The following AP3B2 variants were observed in gnomAD, a reference collection of about 807,000 sequenced individuals.
The protein encoded by AP3B2 is adaptor related protein complex 3 subunit beta 2.
AP3B2 carries 50 observed loss-of-function variants against 126.9 expected under a neutral mutation model. The observed-to-expected ratio is 0.39, with a 90% CI of 0.31 to 0.50. The LOEUF (loss-of-function observed/expected upper bound fraction) is 0.50. Among genes scored for constraint, AP3B2 ranks in the 20% least tolerant of loss-of-function variants. The probability of loss-of-function intolerance (pLI) is 0.79; values close to 1 mark genes in which losing one functional copy is unlikely to be tolerated. For synonymous variants in AP3B2, 541 were observed against 565.0 expected (o/e 0.96, Z 0.60); for missense variants, 1,177 against 1,426.4 (o/e 0.83, Z 2.82).
Position 82,664,763 on chromosome 15 carries a change from T to C in AP3B2, c.2137+72A>G, listed in dbSNP as rs1411449405. The C allele has an allele frequency of 1.4e-5, 17 of 1,203,320 alleles. No individual in the cohort carries two copies. The highest frequency in any genetic ancestry group is 5.1e-5 in the East Asian group (2 of 39,364). The allele number at this position is 1,203,320 out of a possible 1,614,324, so 74.5% of individuals were successfully genotyped here. The stretch of plus-strand genomic sequence containing the variant: ...CCCTAGACACACAACCATATACATA[T>C]ACCCCTCATATAGTCAGTCACACAG... On this transcript the variant is annotated intron_variant, in intron 18 of 26. Coordinates refer to ENST00000535359, the MANE Select transcript of AP3B2 (RefSeq NM_001278512.2). The surrounding 1 kb of genome is among the most constrained non-coding windows in gnomAD (Gnocchi z 4.5).
chr15:82,674,538 C>G (rs900982427), intron 14 of AP3B2, among the ~76,000 whole-genome samples: 3 of 152,208 alleles, frequency 2.0e-5, no homozygotes, highest in Non-Finnish European at 4.4e-5. Context: ...CTGTGCCAAC[C>G]CTGATGACAG....
In AP3B2 at chr15:82,681,358, G is replaced by A; in HGVS notation, c.521+62C>T. ...AGCAGGCAAGACTTAGGAAAGGCCA[G>A]GGGTGGGTTGAGAACTTAGGAACCA... is the stretch of plus-strand genomic sequence containing the variant. On this transcript the variant is annotated intron_variant, in intron 5 of 26. Coordinates refer to ENST00000535359, the MANE Select transcript of AP3B2 (RefSeq NM_001278512.2). The surrounding 1 kb of genome is among the most constrained non-coding windows in gnomAD (Gnocchi z 4.0). 2 of 1,596,280 alleles carry A rather than the reference G, an allele frequency of 1.3e-6. No individual in the cohort carries two copies. The highest frequency in any genetic ancestry group is 1.1e-5 in the South Asian group (1 of 87,762).
chr15:82,698,978 A>G lies in AP3B2; in HGVS notation c.114-9525T>C, dbSNP rs571861565. Among the ~76,000 whole-genome samples the G allele has an allele frequency of 3.9e-5, 6 of 152,226 alleles. No individual in the cohort carries two copies. In the East Asian group the frequency reaches 9.7e-4, roughly 24 times the overall value. ...GACCGCAGCCACCACCTGAGGTGAGACCGCCCTGGGCCTCTCGTCCTCACT... is the reference window on the plus strand; with the variant it reads ...GACCGCAGCCACCACCTGAGGTGAGGCCGCCCTGGGCCTCTCGTCCTCACT... On this transcript the variant is annotated intron_variant, in intron 1 of 26. Transcript: ENST00000535359.
intron 14 of AP3B2, among the ~76,000 whole-genome samples, chr15:82,670,145 T>C (rs1400976265): frequency 7.5e-6 from 1 of 133,336 alleles, no homozygotes; most frequent in Non-Finnish European, 1.6e-5. Context: ...GTCTCGCTCT[T>C]GTCCCCTAGG....
chr15:82,662,552 C>G, intron 23 of AP3B2, 142 bp downstream of exon 23: 1 of 816,148 alleles, frequency 1.2e-6, no homozygotes. Context: ...TCTTGTCCAC[C>G]AGAGTGTTGA....
At chr15:82,672,839 G>C (rs1310631477) in intron 14 of AP3B2, among the ~76,000 whole-genome samples, 1 of 152,200 alleles carries the variant, frequency 6.6e-6, no homozygotes, top group Non-Finnish European at 1.5e-5. Context: ...TTAAGCATCC[G>C]TGTTGGGAGG....
chr15:82,706,535 T>C (rs2048798105), intron 1 of AP3B2, among the ~76,000 whole-genome samples: 1 of 152,214 alleles, frequency 6.6e-6, no homozygotes, highest in Non-Finnish European at 1.5e-5. Context: ...GCAACACTTA[T>C]GCTGATAAGG....
chr15:82,659,449 A>G lies in AP3B2; in HGVS notation c.*111T>C. 7.0e-7 allele frequency: 1 copy of G among 1,424,210 alleles called. No individual in the cohort carries two copies. The allele number at this position is 1,424,210 out of a possible 1,614,324, so 88.2% of individuals were successfully genotyped here. A position where few individuals can be genotyped will look rare whatever the true frequency, so the allele number is the denominator to read the frequency against. Reference sequence around the variant, plus strand: ...AGGGAGAGAGGACACCCTGAATGCTATCTGGCATGAGGAGGATGATGAGAG... The same window carrying G: ...AGGGAGAGAGGACACCCTGAATGCTGTCTGGCATGAGGAGGATGATGAGAG... On this transcript the variant is annotated 3_prime_UTR_variant, in exon 27 of 27. Transcript: ENST00000535359.
At chr15:82,679,911 C>A in intron 9 of AP3B2, 111 bp from the exon 10 acceptor site, 2 of 983,702 alleles carry the variant, frequency 2.0e-6, no homozygotes, top group East Asian at 2.6e-5. Context: ...GCCTCCTCAC[C>A]ACTGCCCTCC....
rs79115617 is a variant in AP3B2, at chr15:82,698,489, T to C, written c.114-9036A>G. 1.1e-3 allele frequency among the ~76,000 whole-genome samples: 154 copies of C among 145,326 alleles called. 1 individual carries two copies. The East Asian group carries it at 0.024, about 22-fold the overall frequency. On this transcript the variant is annotated intron_variant, in intron 1 of 26. Coordinates refer to ENST00000535359, the MANE Select transcript of AP3B2 (RefSeq NM_001278512.2). ...CACACACACCCCACACACGTCCCCCTACACACACACACACATGCCGCATCA... is the reference window on the plus strand; with the variant it reads ...CACACACACCCCACACACGTCCCCCCACACACACACACACATGCCGCATCA...
Position 82,662,373 on chromosome 15 carries a change from T to G in AP3B2, c.2834-121A>C. ...CAGCTGACCAGCCCTCTACAGAATC[T>G]TGGCTTTCTTGGCTGCTGGAGACTG... On this transcript the variant is annotated intron_variant, in intron 23 of 26. Transcript: ENST00000535359. The G allele has an allele frequency of 6.4e-6, 5 of 785,438 alleles. No individual in the cohort carries two copies. In the South Asian group the frequency reaches 6.8e-5, roughly 11 times the overall value. 48.7% of individuals were successfully genotyped at this position (785,438 alleles called of 1,614,324 possible).
At chr15:82,667,934 A>T (rs556176259) in intron 14 of AP3B2, among the ~76,000 whole-genome samples, 1 of 152,190 alleles carries the variant, frequency 6.6e-6, no homozygotes, top group East Asian at 1.9e-4. Context: ...TGTGACCAAG[A>T]TCAAAACCAC....
At position 82,689,562 on chromosome 15, in the gene AP3B2, G is replaced by A. The variant is rs571435427; in HGVS notation, c.114-109C>T. 1.7e-5 allele frequency: 17 copies of A among 1,004,680 alleles called. No individual in the cohort carries two copies. In the East Asian group the frequency reaches 2.6e-4, roughly 15 times the overall value. The allele number at this position is 1,004,680 out of a possible 1,614,324, so 62.2% of individuals were successfully genotyped here. On this transcript the variant is annotated intron_variant, in intron 1 of 26. Transcript: ENST00000535359. ...ACATGGCCAGGGGAGGCTCAGGCAG[G>A]ACCTGACCCGAGGAGGGACCAGAGC...
In AP3B2 at chr15:82,680,724, G is replaced by C. The variant is rs765451051; in HGVS notation, c.803C>G (p.Ala268Gly). The C allele has an allele frequency of 3.8e-6, 6 of 1,567,994 alleles. No homozygotes were observed. The highest frequency in any genetic ancestry group is 5.2e-6 in the Non-Finnish European group (6 of 1,160,864). The change falls in exon 8 of 27, where the codon GCC (alanine) becomes GGC (glycine). Residue 268 changes from alanine to glycine, a missense_variant. Coordinates refer to ENST00000535359, the MANE Select transcript of AP3B2 (RefSeq NM_001278512.2). The surrounding 1 kb of genome is among the most constrained non-coding windows in gnomAD (Gnocchi z 6.1). ...ESLLEENAEK[A>G]FYGSEEDEAK... Reference sequence around the variant, plus strand: ...CTCGTCCTCCTCTGAGCCGTAGAAGGCTTTTTCCGCGTTCTCCTCTAGTAG... The same window carrying C: ...CTCGTCCTCCTCTGAGCCGTAGAAGCCTTTTTCCGCGTTCTCCTCTAGTAG...
At chr15:82,703,559 TC>T (rs931164890) in intron 1 of AP3B2, among the ~76,000 whole-genome samples, 1 of 152,154 alleles carries the variant, frequency 6.6e-6, no homozygotes, top group African/African-American at 2.4e-5. Context: ...TGCCTTATTT[TC>T]TTTGCAATGC....
At chr15:82,663,364 C>G in intron 21 of AP3B2, 131 bp from the exon 22 acceptor site, 1 of 981,022 alleles carries the variant, frequency 1.0e-6, no homozygotes, top group South Asian at 1.4e-5. Context: ...GAGGCTCTCG[C>G]AAAATACCCA....
At chr15:82,698,667 A>C (rs911869130) in intron 1 of AP3B2, among the ~76,000 whole-genome samples, 1 of 152,114 alleles carries the variant, frequency 6.6e-6, no homozygotes, top group African/African-American at 2.4e-5. Flanking sequence ...TCTTCTGAGG[A>C]GTCACCCTGG....
intron 1 of AP3B2, among the ~76,000 whole-genome samples, chr15:82,703,702 A>C (rs771202915): frequency 3.9e-5 from 6 of 152,098 alleles, no homozygotes; most frequent in Non-Finnish European, 7.3e-5. Context: ...CCTGATGTCC[A>C]GGCATTCTTT....
intron 14 of AP3B2, among the ~76,000 whole-genome samples, chr15:82,672,404 A>T (rs2048173597): frequency 6.6e-6 from 1 of 152,216 alleles, no homozygotes; most frequent in Non-Finnish European, 1.5e-5. Flanking sequence ...GAGGGCTAAA[A>T]ATTAAAAGAA....
Sources: allele counts gnomAD v4.1 joint callset (sites outside exome capture counted in the v4.1 genomes callset), GRCh38; gene constraint gnomAD v4.1.1; non-coding constraint Gnocchi (gnomAD v3.1); transcripts MANE v1.5; gene names NCBI Gene and HGNC (gene_info 2026-07-23, HGNC 2026-07-21).